MROH2A: variants seen among roughly 807,000 people sequenced by gnomAD.
MROH2A encodes maestro heat like repeat family member 2A, also known as maestro heat-like repeat-containing protein family member 2A.
A neutral mutation model predicts 200.4 loss-of-function variants in MROH2A; 174 were observed. That is an observed-to-expected ratio of 0.87 (90% CI 0.77 to 0.98). The LOEUF is 0.98. MROH2A is among the 50% of genes least tolerant of loss of function. MROH2A has a pLI of 0.00. For synonymous variants in MROH2A, 829 were observed against 840.4 expected (o/e 0.99, Z 0.23); for missense variants, 2,045 against 2,139.6 (o/e 0.96, Z 0.87).
chr2:233,777,072 C>T (rs1700730047), upstream of MROH2A, among the ~76,000 whole-genome samples: 1 of 152,212 alleles, frequency 6.6e-6, no homozygotes, highest in African/African-American at 2.4e-5. Flanking sequence ...CTTGGCTGGA[C>T]AGAGCACAGA....
At chr2:233,787,430 C>A (rs1195362784) in intron 3 of MROH2A, among the ~76,000 whole-genome samples, 2 of 134,558 alleles carry the variant, frequency 1.5e-5, no homozygotes, top group East Asian at 4.1e-4. Flanking sequence ...CACACACACA[C>A]ATATGTATAT....
intron 39 of MROH2A, 26 bp from the exon 40 acceptor site, chr2:233,832,151 C>CAAAAAG (rs76276350): frequency 1.6e-5 from 25 of 1,535,852 alleles, no homozygotes; most frequent in Non-Finnish European, 2.2e-5. Context: ...TCCTCCAAAG[C>CAAAAAG]TGTGTGTATC....
At chr2:233,803,827 C>T (rs1416842776) in intron 16 of MROH2A, among the ~76,000 whole-genome samples, 2 of 152,158 alleles carry the variant, frequency 1.3e-5, no homozygotes, top group Non-Finnish European at 1.5e-5. Flanking sequence ...TGTGGACACT[C>T]ATCCATGTTG....
chr2:233,787,497 A>T (rs905175650), intron 3 of MROH2A, among the ~76,000 whole-genome samples: 3 of 128,790 alleles, frequency 2.3e-5, no homozygotes, highest in East Asian at 4.1e-4. Flanking sequence ...ATATATACAT[A>T]TACATATATA....
At chr2:233,823,153 G>A (rs1334764503) in intron 34 of MROH2A, 135 bp downstream of exon 34, 1 of 912,208 alleles carries the variant, frequency 1.1e-6, no homozygotes. Flanking sequence ...ACGCCAACCT[G>A]TGACTCTAGG....
chr2:233,800,025 C>A, intron 13 of MROH2A, 126 bp downstream of exon 13: 1 of 1,327,122 alleles, frequency 7.5e-7, no homozygotes, highest in Non-Finnish European at 1.0e-6. Context: ...GACAGGAGTT[C>A]ATAGACACAG....
In MROH2A at chr2:233,833,390, C is replaced by T. The variant is rs1704918124; in HGVS notation, c.*131C>T. 3.8e-6 allele frequency: 4 copies of T among 1,059,188 alleles called. No homozygotes were observed. The highest frequency in any genetic ancestry group is 3.6e-5 in the Admixed American group (1 of 27,736). The allele number at this position is 1,059,188 out of a possible 1,614,324, so 65.6% of individuals were successfully genotyped here. A position where few individuals can be genotyped will look rare whatever the true frequency, so the allele number is the denominator to read the frequency against. On this transcript the variant is annotated 3_prime_UTR_variant, in exon 42 of 42. Coordinates refer to ENST00000389758, the MANE Select transcript of MROH2A (RefSeq NM_001394639.1). ...TAACTAGTATCCTTTTGTTTCCTTC[C>T]GTTGAAATAAACCTCCACTGTCGTT...
chr2:233,831,352 C>G, intron 38 of MROH2A, 57 bp from the exon 39 acceptor site: 1 of 1,499,782 alleles, frequency 6.7e-7, no homozygotes, highest in Non-Finnish European at 8.9e-7. Flanking sequence ...AGCCTCACCC[C>G]TCTGGGGAAC....
Position 233,818,756 on chromosome 2 carries a change from T to C in MROH2A, c.3190T>C (p.Ser1064Pro), listed in dbSNP as rs764506711. 3.9e-6 allele frequency: 6 copies of C among 1,546,356 alleles called. No homozygotes were observed. The highest frequency in any genetic ancestry group is 5.2e-6 in the Non-Finnish European group (6 of 1,143,446). ...TGTGGAGAAGATCTTCTGTGCATCC[T>C]CCAGAATCGCCAAGGTGACAGCCGG... ...TDVEKIFCAS[S>P]RIAKVVCMEF... The change falls in exon 29 of 42, where the codon TCC becomes CCC. Residue 1064 changes from serine (S) to proline (P), a missense_variant. By Grantham distance (74) the Ser-to-Pro change is moderately conservative (BLOSUM62 -1). Around this residue, in one of 3 missense-constraint regions of MROH2A, gnomAD observed 1,201 missense variants for 1,311.3 expected, o/e 0.92. Transcript: ENST00000389758.
At chr2:233,799,015 C>G (rs1331386233) in intron 12 of MROH2A, among the ~76,000 whole-genome samples, 165 bp downstream of exon 12, 1 of 152,138 alleles carries the variant, frequency 6.6e-6, no homozygotes, top group Non-Finnish European at 1.5e-5. Context: ...AGCTGAGGTT[C>G]CACTCTCGAG....
intron 25 of MROH2A, among the ~76,000 whole-genome samples, chr2:233,814,308 C>G (rs991864302): frequency 6.6e-6 from 1 of 152,190 alleles, no homozygotes; most frequent in Non-Finnish European, 1.5e-5. Flanking sequence ...GAGAAGGAAT[C>G]TTTTGTGGAC....
chr2:233,804,136 C>T lies in MROH2A; in HGVS notation c.1835C>T (p.Pro612Leu), dbSNP rs1194768049. ...AGGACCCTGAGCCAGAGCATCGCAC[C>T]CTCCATGGCCGACATGTGGGAGCTG... ...LLRTLSQSIAPSMADMWELEI... is the reference protein window; with the variant it reads ...LLRTLSQSIALSMADMWELEI... The change falls in exon 17 of 42, where the codon CCC (proline) becomes CTC (leucine). Residue 612 changes from proline to leucine, a missense_variant. Around this residue, in one of 3 missense-constraint regions of MROH2A, gnomAD observed 831 missense variants for 800.0 expected, o/e 1.04. Coordinates refer to ENST00000389758, the MANE Select transcript of MROH2A (RefSeq NM_001394639.1). 5.2e-6 allele frequency: 8 copies of T among 1,550,400 alleles called. No homozygotes were observed. Among genetic ancestry groups the T allele is most frequent in the African/African-American group, 1.4e-5 (1 of 72,994 alleles).
chr2:233,819,874 C>T, intron 30 of MROH2A, 28 bp from the exon 31 acceptor site: 1 of 1,480,900 alleles, frequency 6.8e-7, no homozygotes, highest in Non-Finnish European at 9.0e-7. Flanking sequence ...CCTGGGCTGC[C>T]CCCCGGTGAT....
chr2:233,797,707 T>C (rs960745551), intron 11 of MROH2A, among the ~76,000 whole-genome samples: 5 of 152,180 alleles, frequency 3.3e-5, no homozygotes, highest in African/African-American at 7.2e-5. Flanking sequence ...GGGAAATTAG[T>C]ATTTGCCCTA....
At chr2:233,815,763 C>A (rs1364442551) in intron 26 of MROH2A, among the ~76,000 whole-genome samples, 1 of 146,924 alleles carries the variant, frequency 6.8e-6, no homozygotes, top group East Asian at 2.0e-4. Flanking sequence ...CTATGGTACA[C>A]CAATACTGCA....
chr2:233,806,416 G>T (rs1370287278), intron 19 of MROH2A, among the ~76,000 whole-genome samples: 1 of 151,986 alleles, frequency 6.6e-6, no homozygotes, highest in Non-Finnish European at 1.5e-5. Flanking sequence ...AATATGGATG[G>T]TTGCTCTTAT....
rs189690779 is a variant in MROH2A at position 233,782,809 on chromosome 2, C to G, written c.276+2957C>G. Among the ~76,000 whole-genome samples the G allele has an allele frequency of 8.8e-4, 134 of 152,238 alleles. 1 individual carries two copies. The highest frequency in any genetic ancestry group is 1.5e-3 in the Non-Finnish European group (99 of 68,008). ...CTTGTTCCAGATTTTAGGAACAAGG[C>G]TTTCGATTTCTTCCATCTGGTACAA... On this transcript the variant is annotated intron_variant, in intron 3 of 41. Coordinates refer to ENST00000389758, the MANE Select transcript of MROH2A (RefSeq NM_001394639.1).
At chr2:233,796,359 G>A (rs1193103757) in intron 11 of MROH2A, 46 bp downstream of exon 11, 1 of 1,060,844 alleles carries the variant, frequency 9.4e-7, no homozygotes, top group Non-Finnish European at 1.4e-6. Flanking sequence ...GGTGGGGTAG[G>A]CAGGGTGGAG....
At chr2:233,826,944 T>G (rs1294193602) in intron 35 of MROH2A, among the ~76,000 whole-genome samples, 1 of 152,144 alleles carries the variant, frequency 6.6e-6, no homozygotes, top group African/African-American at 2.4e-5. Flanking sequence ...AAGAAGACAC[T>G]CATGCAGCGA....
Sources: gnomAD v4.1 joint callset for allele counts (sites outside exome capture counted in the v4.1 genomes callset) on GRCh38, gnomAD v4.1.1 for gene constraint, gnomAD v4.1.1 regional missense constraint, MANE v1.5 for transcripts, NCBI Gene and HGNC (gene_info 2026-07-23, HGNC 2026-07-21) for gene names.